CTBP2: variants seen among roughly 807,000 people sequenced by gnomAD.
The protein encoded by CTBP2 is C-terminal-binding protein 2.
A neutral mutation model predicts 80.3 loss-of-function variants in CTBP2; 30 were observed. The ratio of observed to expected loss-of-function variants is 0.37; its 90% CI spans 0.28 to 0.51. The LOEUF (loss-of-function observed/expected upper bound fraction) is 0.51, where lower values mean the gene tolerates loss of function less well. CTBP2 is among the 20% of genes least tolerant of loss of function. The pLI is 0.93. For missense variants in CTBP2, 1,212 were observed against 1,375.3 expected (o/e 0.88, Z 1.88); for synonymous variants, 594 against 587.4 (o/e 1.01, Z -0.16).
chr10:125,104,126 G>A (rs553730934), intron 2 of CTBP2, among the ~76,000 whole-genome samples: 17 of 152,294 alleles, frequency 1.1e-4, no homozygotes, highest in African/African-American at 2.6e-4. Context: ...GCACGGTACC[G>A]TTCCCAGAAA....
chr10:125,105,450 C>T (rs1851305852), intron 2 of CTBP2, among the ~76,000 whole-genome samples: 1 of 152,210 alleles, frequency 6.6e-6, no homozygotes, highest in Non-Finnish European at 1.5e-5. Context: ...TCTGCTCCTT[C>T]AACAATGGTC....
chr10:125,030,739 C>T (rs1035549887), upstream of CTBP2, among the ~76,000 whole-genome samples: 1 of 152,178 alleles, frequency 6.6e-6, no homozygotes, highest in African/African-American at 2.4e-5. Flanking sequence ...GTGTTGTCAC[C>T]CGCCCACTTG....
At chr10:125,114,572 A>C (rs1001085234) in intron 1 of CTBP2, among the ~76,000 whole-genome samples, 4 of 152,174 alleles carry the variant, frequency 2.6e-5, no homozygotes, top group African/African-American at 9.6e-5. Flanking sequence ...AGGCATACAA[A>C]AATTACGTTT....
intron 2 of CTBP2, among the ~76,000 whole-genome samples, chr10:125,077,363 T>C (rs1180219967): frequency 1.3e-5 from 2 of 151,788 alleles, no homozygotes; most frequent in Non-Finnish European, 2.9e-5. Flanking sequence ...TTCTGCAGAG[T>C]TGGTTTCTGA....
chr10:125,060,402 T>C (rs1964722313), intron 2 of CTBP2, among the ~76,000 whole-genome samples: 1 of 152,176 alleles, frequency 6.6e-6, no homozygotes, highest in African/African-American at 2.4e-5. Flanking sequence ...TCTTAAAACA[T>C]GGCTTTTAAA....
In CTBP2 at chr10:125,081,704, AT is replaced by A. The variant is rs542901127; in HGVS notation, c.-102+29285del. On this transcript the variant is annotated intron_variant, in intron 2 of 10. Coordinates refer to the CTBP2 transcript ENST00000337195. The stretch of plus-strand genomic sequence containing the variant: ...AAAATAGACATGAATGGCCACAGTG[AT>A]TGTGTTCAAGTTTTAGAATCAAGAT... 5.9e-3 allele frequency among the ~76,000 whole-genome samples: 903 copies of A among 152,256 alleles called. 7 individuals carry two copies. The highest frequency in any genetic ancestry group is 0.011 in the Non-Finnish European group (739 of 68,012).
At chr10:125,013,030 G>A (rs543189978) in intron 1 of CTBP2, among the ~76,000 whole-genome samples, 9 of 152,154 alleles carry the variant, frequency 5.9e-5, no homozygotes, top group African/African-American at 2.2e-4. Flanking sequence ...CAAGCTGCCA[G>A]CCAGCAGCAA....
intron 8 of CTBP2, among the ~76,000 whole-genome samples, chr10:124,990,383 C>A (rs1460829661): frequency 6.6e-6 from 1 of 152,154 alleles, no homozygotes; most frequent in Non-Finnish European, 1.5e-5. Flanking sequence ...CTTCCCTATC[C>A]CCAAAGCAAG....
At chr10:125,029,736 T>C (rs1044077121), upstream of CTBP2, among the ~76,000 whole-genome samples, 1 of 144,204 alleles carries the variant, frequency 6.9e-6, no homozygotes, top group African/African-American at 2.5e-5. Flanking sequence ...AAGTCTTTTT[T>C]GTAGCAGGGT....
chr10:125,071,301 G>C (rs1845449908), intron 2 of CTBP2, among the ~76,000 whole-genome samples: 1 of 152,244 alleles, frequency 6.6e-6, no homozygotes, highest in South Asian at 2.1e-4. Context: ...CCTTGGCACT[G>C]GACTAGGGGG....
chr10:124,992,932 G>A, intron 7 of CTBP2, 120 bp from the exon 10 acceptor site: 2 of 908,178 alleles, frequency 2.2e-6, no homozygotes, highest in Non-Finnish European at 3.3e-6. Flanking sequence ...AACATCCAAA[G>A]GCCCAAGTGC....
At chr10:125,145,086 T>A (rs1481611719) in intron 1 of CTBP2, among the ~76,000 whole-genome samples, 1 of 152,158 alleles carries the variant, frequency 6.6e-6, no homozygotes, top group Non-Finnish European at 1.5e-5. Context: ...TCAAATAATT[T>A]AGTGGGTTAT....
rs942495707 is a variant in CTBP2 at position 125,103,021 on chromosome 10, C to T, written c.-102+7969G>A. On this transcript the variant is annotated intron_variant, in intron 2 of 10. Transcript: ENST00000337195. ...CCTACCTGCATGGGTTTAGACTCCCCGCCCTACTTGCACAAAGGAGAGGCG... is the reference window on the plus strand; with the variant it reads ...CCTACCTGCATGGGTTTAGACTCCCTGCCCTACTTGCACAAAGGAGAGGCG... 7.9e-5 allele frequency among the ~76,000 whole-genome samples: 12 copies of T among 152,344 alleles called. No homozygotes were observed. The East Asian group carries it at 2.3e-3, about 29-fold the overall frequency.
intron 2 of CTBP2, among the ~76,000 whole-genome samples, chr10:125,096,436 T>C (rs1321673859): frequency 6.6e-6 from 1 of 152,214 alleles, no homozygotes; most frequent in African/African-American, 2.4e-5. Flanking sequence ...AATCTAAAGC[T>C]GACTGATCAA....
intron 1 of CTBP2, among the ~76,000 whole-genome samples, chr10:125,023,218 C>T (rs914735154): frequency 2.0e-5 from 3 of 152,184 alleles, no homozygotes; most frequent in Non-Finnish European, 2.9e-5. Flanking sequence ...TCAAGAAAAA[C>T]GGCTGGAAGA....
At chr10:125,126,332 G>A (rs191353396) in intron 1 of CTBP2, among the ~76,000 whole-genome samples, 7 of 152,302 alleles carry the variant, frequency 4.6e-5, no homozygotes, top group East Asian at 1.9e-4. Context: ...GAAACTTAAC[G>A]ACCAAAGCCA....
At chr10:125,000,344 C>T (rs1262771442) in intron 3 of CTBP2, 1 of 152,228 alleles carries the variant, frequency 6.6e-6, no homozygotes, top group African/African-American at 2.4e-5. Flanking sequence ...TCAAGCTGAT[C>T]CTTCAAGTGC....
Position 125,003,324 on chromosome 10 carries a change from C to T in CTBP2, c.1833+14G>A. 1 of 1,605,492 alleles carries T rather than the reference C, an allele frequency of 6.2e-7. No homozygotes were observed. The highest frequency in any genetic ancestry group is 8.5e-7 in the Non-Finnish European group (1 of 1,178,228). On this transcript the variant is annotated intron_variant, in intron 2 of 8. Coordinates refer to ENST00000309035, the MANE Select transcript of CTBP2 (RefSeq NM_022802.3). Reference sequence around the variant, plus strand: ...AAGGTCAGTGCAGGCCCCGGCCGGGCAGGGTGGGCCCACCTTCTCGTGGAT... The same window carrying T: ...AAGGTCAGTGCAGGCCCCGGCCGGGTAGGGTGGGCCCACCTTCTCGTGGAT...
Position 125,098,718 on chromosome 10 carries a change from GAGAGAC to G in CTBP2, c.-102+12266_-102+12271del, listed in dbSNP as rs1850060481. On this transcript the variant is annotated intron_variant, in intron 2 of 10. Transcript: ENST00000337195. Reference sequence around the variant, plus strand: ...AGAGAGAGAGAGAGACAGAGAGAGAGAGAGACAGAGAGAGAGAGAGAGAGAGAGAGA... The same window carrying G: ...AGAGAGAGAGAGAGACAGAGAGAGAGAGAGAGAGAGAGAGAGAGAGAGAGA... Among the ~76,000 whole-genome samples the G allele has an allele frequency of 1.2e-4, 14 of 120,492 alleles. No individual in the cohort carries two copies. The East Asian group carries it at 1.2e-3, about 10-fold the overall frequency. 79.0% of individuals were successfully genotyped at this position (120,492 alleles called of 152,430 possible).
Sources: gnomAD v4.1 joint callset for allele counts (sites outside exome capture counted in the v4.1 genomes callset) on GRCh38, gnomAD v4.1.1 for gene constraint, MANE v1.5 for transcripts, NCBI Gene and HGNC (gene_info 2026-07-23, HGNC 2026-07-21) for gene names.